SLC12A4: variants seen among roughly 807,000 people sequenced by gnomAD.
SLC12A4 encodes solute carrier family 12 member 4.
Under a neutral mutation model 119.2 loss-of-function variants are expected in SLC12A4, and 84 were observed. The ratio of observed to expected loss-of-function variants is 0.70; its 90% CI spans 0.59 to 0.85. The LOEUF (loss-of-function observed/expected upper bound fraction) is 0.85. SLC12A4 is among the 40% of genes least tolerant of loss of function. SLC12A4 has a pLI of 0.00. For synonymous variants in SLC12A4, 599 were observed against 604.6 expected (o/e 0.99, Z 0.14); for missense variants, 1,298 against 1,476.3 (o/e 0.88, Z 1.98).
In SLC12A4 at chr16:67,951,415, G is replaced by A. The variant is rs1245800054; in HGVS notation, c.1133-111C>T. ...GGCAACTTTGGGGACTCAGGGAACA[G>A]CTTCAGCCCAATGACTGCAGCGTCA... is the stretch of plus-strand genomic sequence containing the variant. On this transcript the variant is annotated intron_variant, in intron 8 of 23. Transcript: ENST00000316341. The surrounding 1 kb of genome is among the most constrained non-coding windows in gnomAD (Gnocchi z 5.2). 9 of 1,240,148 alleles carry A rather than the reference G, an allele frequency of 7.3e-6. No homozygotes were observed. The highest frequency in any genetic ancestry group is 1.0e-5 in the Non-Finnish European group (9 of 895,654). The allele number at this position is 1,240,148 out of a possible 1,614,324, so 76.8% of individuals were successfully genotyped here. A position where few individuals can be genotyped will look rare whatever the true frequency, so the allele number is the denominator to read the frequency against.
chr16:67,954,867 A>C, intron 5 of SLC12A4, 94 bp from the exon 6 acceptor site: 1 of 1,502,420 alleles, frequency 6.7e-7, no homozygotes, highest in Non-Finnish European at 9.1e-7. Flanking sequence ...CCAGAGGGAC[A>C]GGGACTGCTT....
At position 67,951,153 on chromosome 16, in the gene SLC12A4, G is replaced by A. The variant is rs781090779; in HGVS notation, c.1284C>T (p.Phe428=). 3.0e-5 allele frequency: 48 copies of A among 1,613,896 alleles called. No homozygotes were observed. The Admixed American group carries it at 7.7e-4, about 26-fold the overall frequency. Residue 428 remains phenylalanine, a synonymous_variant, in exon 9 of 24, where the codon TTC becomes TTT. Transcript: ENST00000316341. This position sits in a 1 kb window ranked among gnomAD's most constrained non-coding sequence, Gnocchi z 5.2. ...TSFTVLVGIF[F]PSVTGIMAGS... ...GGCAGGGCTCACCTGTTACAGAAGG[G>A]AAGAAGATGCCGACCAGCACGGTGA...
rs764120966 is a variant in SLC12A4, at chr16:67,961,658, C to T, written c.259G>A (p.Val87Ile). 5.7e-5 allele frequency: 92 copies of T among 1,614,062 alleles called. No homozygotes were observed. Among genetic ancestry groups the T allele is most frequent in the Middle Eastern group, 1.6e-4 (1 of 6,084 alleles). Residue 87 changes from valine (V) to isoleucine (I), a missense_variant, in exon 3 of 24, where the codon GTC becomes ATC. Physicochemically the swap from Val to Ile is conservative, Grantham distance 29. Coordinates refer to ENST00000316341, the MANE Select transcript of SLC12A4 (RefSeq NM_005072.5). ...CCCTGGGTGAGGTTGGTGTAGCTGACGAGCTTTCCCAGAAGAGACGATACC... is the reference window on the plus strand; with the variant it reads ...CCCTGGGTGAGGTTGGTGTAGCTGATGAGCTTTCCCAGAAGAGACGATACC... Reference protein sequence around the residue: ...PKVSSLLGKLVSYTNLTQGAK... With the variant: ...PKVSSLLGKLISYTNLTQGAK...
In SLC12A4 at chr16:67,946,728, T is replaced by G. The variant is rs2058355177; in HGVS notation, c.2242-95A>C. ...CCTCGGGAACAAAACGACTTTTGGG[T>G]GGAGGAGGGCCTGGGGGCAACAAGC... is the stretch of plus-strand genomic sequence containing the variant. On this transcript the variant is annotated intron_variant, in intron 17 of 23. Coordinates refer to ENST00000316341, the MANE Select transcript of SLC12A4 (RefSeq NM_005072.5). 6 of 1,426,874 alleles carry G rather than the reference T, an allele frequency of 4.2e-6. No homozygotes were observed. In the South Asian group the frequency reaches 6.6e-5, roughly 16 times the overall value. 88.4% of individuals were successfully genotyped at this position (1,426,874 alleles called of 1,614,324 possible).
chr16:67,945,662 A>G (rs986964836), intron 21 of SLC12A4, 102 bp downstream of exon 21: 11 of 1,494,374 alleles, frequency 7.4e-6, no homozygotes, highest in African/African-American at 1.4e-5. Flanking sequence ...TAGCTTGGGT[A>G]GGGCTGCGGT....
At chr16:67,957,650 G>A in intron 5 of SLC12A4, 92 bp downstream of exon 5, 2 of 1,459,378 alleles carry the variant, frequency 1.4e-6, no homozygotes, top group South Asian at 1.2e-5. Context: ...GAACTGCTTG[G>A]GGCAGGGGTG....
intron 1 of SLC12A4, chr16:67,963,839 G>C: frequency 6.7e-7 from 1 of 1,497,774 alleles, no homozygotes; most frequent in Non-Finnish European, 9.0e-7. Context: ...TGGACACTGA[G>C]GGACGGGGCC....
At position 67,946,224 on chromosome 16, in the gene SLC12A4, C is replaced by G; in HGVS notation, c.2554G>C (p.Val852Leu). The G allele has an allele frequency of 1.2e-6, 2 of 1,613,920 alleles. No individual in the cohort carries two copies. Among genetic ancestry groups the G allele is most frequent in the Non-Finnish European group, 1.7e-6 (2 of 1,180,038 alleles). The change falls in exon 19 of 24, where the codon GTG becomes CTG. Residue 852 changes from valine (V) to leucine (L), a missense_variant. Coordinates refer to ENST00000316341, the MANE Select transcript of SLC12A4 (RefSeq NM_005072.5). Reference protein sequence around the residue: ...LEGHIDVWWIVHDGGMLMLLP... With the variant: ...LEGHIDVWWILHDGGMLMLLP... The stretch of plus-strand genomic sequence containing the variant: ...AGCATGAGCATGCCACCATCGTGCA[C>G]GATCCACCACACGTCTATGTGGCCC...
At chr16:67,959,699 TGA>T (rs763153984) in intron 3 of SLC12A4, among the ~76,000 whole-genome samples, 5 of 152,198 alleles carry the variant, frequency 3.3e-5, no homozygotes, top group Admixed American at 6.5e-5. Context: ...CATCCCAGGC[TGA>T]GTCACTCTAA....
Position 67,944,522 on chromosome 16 carries a change from A to G in SLC12A4, c.*318T>C. ...CATCCAAACAATAAATATGCAATAAATAGCGCTCCTGGGCTGGGCCGGGCC... is the reference window on the plus strand; with the variant it reads ...CATCCAAACAATAAATATGCAATAAGTAGCGCTCCTGGGCTGGGCCGGGCC... On this transcript the variant is annotated 3_prime_UTR_variant, in exon 24 of 24. Coordinates refer to ENST00000316341, the MANE Select transcript of SLC12A4 (RefSeq NM_005072.5). This position sits in a 1 kb window ranked among gnomAD's most constrained non-coding sequence, Gnocchi z 6.6. 1 of 1,260,594 alleles carries G rather than the reference A, an allele frequency of 7.9e-7. No homozygotes were observed. Among genetic ancestry groups the G allele is most frequent in the South Asian group, 2.5e-5 (1 of 39,842 alleles). 78.1% of individuals were successfully genotyped at this position (1,260,594 alleles called of 1,614,324 possible).
chr16:67,958,662 T>C (rs539429915), intron 3 of SLC12A4, among the ~76,000 whole-genome samples: 7 of 152,178 alleles, frequency 4.6e-5, no homozygotes, highest in East Asian at 1.9e-4. Flanking sequence ...TGTAATCCAG[T>C]GTGCCGTCCA....
rs2151322942 is a variant in SLC12A4, at chr16:67,944,994, C to G, written c.3167-63G>C. The stretch of plus-strand genomic sequence containing the variant: ...AACGGGCAACCCGGGCCACCTGGGC[C>G]ATGCCCACCCAGGGGTGCCCAGGAG... On this transcript the variant is annotated intron_variant, in intron 23 of 23. Coordinates refer to ENST00000316341, the MANE Select transcript of SLC12A4 (RefSeq NM_005072.5). This position sits in a 1 kb window ranked among gnomAD's most constrained non-coding sequence, Gnocchi z 6.6. The G allele has an allele frequency of 6.2e-7, 1 of 1,610,092 alleles. No individual in the cohort carries two copies.
intron 1 of SLC12A4, chr16:67,964,084 A>AG: frequency 6.5e-7 from 1 of 1,532,376 alleles, no homozygotes; most frequent in Non-Finnish European, 8.8e-7. Context: ...GGCGTCCTGC[A>AG]GGGCAGCCCG....
In SLC12A4 at chr16:67,951,484, G is replaced by A; in HGVS notation, c.1133-180C>T. 1.4e-6 allele frequency: 1 copy of A among 700,750 alleles called. No homozygotes were observed. Among genetic ancestry groups the A allele is most frequent in the Non-Finnish European group, 2.3e-6 (1 of 430,016 alleles). 43.4% of individuals were successfully genotyped at this position (700,750 alleles called of 1,614,324 possible). A position where few individuals can be genotyped will look rare whatever the true frequency, so the allele number is the denominator to read the frequency against. On this transcript the variant is annotated intron_variant, in intron 8 of 23. Coordinates refer to ENST00000316341, the MANE Select transcript of SLC12A4 (RefSeq NM_005072.5). The surrounding 1 kb of genome is among the most constrained non-coding windows in gnomAD (Gnocchi z 5.2). ...CCACAGAGAAGGAGCTGCCCAGCTA[G>A]AAGTCGACAGACAAAGGTGGCTGAA...
At chr16:67,948,023 G>A in intron 14 of SLC12A4, 38 bp downstream of exon 14, 2 of 1,600,906 alleles carry the variant, frequency 1.2e-6, no homozygotes. Context: ...GAGGCTCCTG[G>A]CCTCCCCAGG....
chr16:67,952,521 C>T (rs916648018), intron 6 of SLC12A4, 96 bp from the exon 7 acceptor site: 29 of 1,391,980 alleles, frequency 2.1e-5, no homozygotes, highest in African/African-American at 5.7e-5. Context: ...TAAAAGAGGC[C>T]GGGCGCAGTG....
Position 67,945,496 on chromosome 16 carries a change from CGTCCGAGTACAGGCTCTCCAGCCGCAG to C in SLC12A4, c.2878_2904del (p.Leu960_Asp968del). The C allele has an allele frequency of 6.2e-7, 1 of 1,614,072 alleles. No homozygotes were observed. Among genetic ancestry groups the C allele is most frequent in the South Asian group, 1.1e-5 (1 of 91,088 alleles). Reference sequence around the variant, plus strand: ...GCCCCCACTGCAGACTCATCTTCCTCGTCCGAGTACAGGCTCTCCAGCCGCAGGGCCGAGTGCCGATCCTTGACCAGC... The same window carrying C: ...GCCCCCACTGCAGACTCATCTTCCTCGGCCGAGTGCCGATCCTTGACCAGC... On this transcript the variant is annotated inframe_deletion, in exon 22 of 24. Coordinates refer to ENST00000316341, the MANE Select transcript of SLC12A4 (RefSeq NM_005072.5).
chr16:67,957,448 C>A, intron 5 of SLC12A4: 1 of 356,876 alleles, frequency 2.8e-6, no homozygotes, highest in Non-Finnish European at 5.3e-6. Flanking sequence ...GGATTACAGG[C>A]ATGAGCCACC....
chr16:67,957,984 C>T lies in SLC12A4; in HGVS notation c.403G>A (p.Val135Ile). The change falls in exon 4 of 24, where the codon GTT (valine) becomes ATT (isoleucine). Residue 135 changes from valine to isoleucine, a missense_variant. Physicochemically the swap from Val to Ile is conservative, Grantham distance 29. Transcript: ENST00000316341. ...YLPCLQNIFGVILFLRLTWMV... is the reference protein window; with the variant it reads ...YLPCLQNIFGIILFLRLTWMV... ...CAGGTCAGCCGCAGGAAGAGGATAA[C>T]CCCAAAGATATTCTGCAGGCAGGGC... The T allele has an allele frequency of 2.5e-6, 4 of 1,614,220 alleles. No homozygotes were observed. Among genetic ancestry groups the T allele is most frequent in the South Asian group, 1.1e-5 (1 of 91,090 alleles).
Sources: gnomAD v4.1 joint callset for allele counts (sites outside exome capture counted in the v4.1 genomes callset) on GRCh38, gnomAD v4.1.1 for gene constraint, Gnocchi (gnomAD v3.1) non-coding constraint, MANE v1.5 for transcripts, NCBI Gene and HGNC (gene_info 2026-07-23, HGNC 2026-07-21) for gene names.